UNC13C: variants seen among roughly 807,000 people sequenced by gnomAD.
UNC13C encodes the protein unc-13 homolog C.
UNC13C carries 174 observed loss-of-function variants against 245.4 expected under a neutral mutation model. That is an observed-to-expected ratio of 0.71 (90% CI 0.63 to 0.80). The LOEUF (loss-of-function observed/expected upper bound fraction) is 0.80, where lower values mean the gene tolerates loss of function less well. UNC13C is among the 30% of genes least tolerant of loss of function. The probability of loss-of-function intolerance (pLI) is 0.00; values close to 1 mark genes in which losing one functional copy is unlikely to be tolerated. For synonymous variants in UNC13C, 992 were observed against 895.1 expected (o/e 1.11, Z -1.93); for missense variants, 2,829 against 2,602.9 (o/e 1.09, Z -1.89).
intron 10 of UNC13C, among the ~76,000 whole-genome samples, chr15:54,278,538 T>A (rs566625796): frequency 6.6e-6 from 1 of 152,302 alleles, no homozygotes; most frequent in South Asian, 2.1e-4. Flanking sequence ...ATCCCAGGGC[T>A]TCCTCAACTT....
intron 30 of UNC13C, among the ~76,000 whole-genome samples, chr15:54,619,329 G>T (rs1353433828): frequency 6.6e-6 from 1 of 152,074 alleles, no homozygotes; most frequent in Non-Finnish European, 1.5e-5. Context: ...GTCAGTAATT[G>T]CTTAGATTAA....
intron 2 of UNC13C, among the ~76,000 whole-genome samples, chr15:54,088,042 C>T (rs1899341645): frequency 6.6e-6 from 1 of 151,370 alleles, no homozygotes; most frequent in African/African-American, 2.4e-5. Flanking sequence ...CCTATATAGC[C>T]TACAAATCCT....
intron 25 of UNC13C, 108 bp from the exon 26 acceptor site, chr15:54,532,809 A>G (rs1389663125): frequency 1.4e-6 from 1 of 717,330 alleles, no homozygotes; most frequent in Non-Finnish European, 2.2e-6. Flanking sequence ...ACTCATGAGC[A>G]GGGGAATTCA....
At chr15:54,129,070 T>C (rs182364194) in intron 2 of UNC13C, among the ~76,000 whole-genome samples, 20 of 152,362 alleles carry the variant, frequency 1.3e-4, no homozygotes, top group Admixed American at 1.1e-3. Context: ...ATCTACCGTC[T>C]TCTCTCCAAT....
intron 25 of UNC13C, among the ~76,000 whole-genome samples, chr15:54,530,486 G>A (rs916371937): frequency 6.6e-6 from 1 of 152,172 alleles, no homozygotes; most frequent in African/African-American, 2.4e-5. Flanking sequence ...CTCTCATGGG[G>A]CTTACATTAT....
intron 5 of UNC13C, 75 bp downstream of exon 5, chr15:54,235,183 A>G: frequency 7.9e-7 from 1 of 1,259,996 alleles, no homozygotes; most frequent in Non-Finnish European, 1.2e-6. Context: ...TGTCCTTCTC[A>G]TTCACTGTCT....
chr15:54,005,347 T>C (rs1309799458), intron 1 of UNC13C, among the ~76,000 whole-genome samples: 1 of 152,198 alleles, frequency 6.6e-6, no homozygotes, highest in African/African-American at 2.4e-5. Flanking sequence ...TATAGAATAG[T>C]GTTTATGAGA....
intron 2 of UNC13C, 82 bp from the exon 3 acceptor site, chr15:54,142,934 ACT>A: frequency 8.7e-7 from 1 of 1,147,002 alleles, no homozygotes; most frequent in Non-Finnish European, 1.3e-6. Flanking sequence ...ACATATTAAC[ACT>A]CTGTTCATGT....
At chr15:54,491,086 T>C (rs1434520932) in intron 19 of UNC13C, among the ~76,000 whole-genome samples, 1 of 152,238 alleles carries the variant, frequency 6.6e-6, no homozygotes, top group Admixed American at 6.5e-5. Context: ...TTTATATTTA[T>C]ATTTCCAATG....
At chr15:53,985,149 C>T (rs1403652945) in intron 1 of UNC13C, among the ~76,000 whole-genome samples, 1 of 151,830 alleles carries the variant, frequency 6.6e-6, no homozygotes, top group African/African-American at 2.4e-5. Context: ...TCTCTGTGTC[C>T]ATGTGTTCTC....
In UNC13C at chr15:54,500,210, A is replaced by T. The variant is rs1195716972; in HGVS notation, c.5157+35A>T. The T allele has an allele frequency of 5.4e-6, 8 of 1,476,306 alleles. No homozygotes were observed. In the Admixed American group the frequency reaches 1.4e-4, roughly 27 times the overall value. 91.5% of individuals were successfully genotyped at this position (1,476,306 alleles called of 1,614,324 possible). A position where few individuals can be genotyped will look rare whatever the true frequency, so the allele number is the denominator to read the frequency against. On this transcript the variant is annotated intron_variant, in intron 21 of 32. Coordinates refer to ENST00000260323, the MANE Select transcript of UNC13C (RefSeq NM_001080534.3). The stretch of plus-strand genomic sequence containing the variant: ...AATTACCTTAAGAAAGTTCATTGCC[A>T]TGATTCAGTCACATTGCTTACTTTT...
intron 19 of UNC13C, among the ~76,000 whole-genome samples, chr15:54,446,105 A>T (rs568619013): frequency 6.6e-6 from 1 of 152,022 alleles, no homozygotes; most frequent in Non-Finnish European, 1.5e-5. Flanking sequence ...ATAGTTGTAG[A>T]TGTGTGGTAT....
intron 19 of UNC13C, among the ~76,000 whole-genome samples, chr15:54,446,432 A>C (rs1375934726): frequency 6.6e-6 from 1 of 152,134 alleles, no homozygotes; most frequent in Non-Finnish European, 1.5e-5. Context: ...ATGAGCATGG[A>C]ATGTTCTTCC....
chr15:53,904,433 C>T, the UNC13C span, among the ~76,000 whole-genome samples: 5 of 152,038 alleles, frequency 3.3e-5, no homozygotes, highest in East Asian at 1.9e-4. Flanking sequence ...ATATGCACTG[C>T]GCCCTTGCCC....
At chr15:54,053,949 ATGT>A (rs746627882) in intron 2 of UNC13C, among the ~76,000 whole-genome samples, 1 of 152,268 alleles carries the variant, frequency 6.6e-6, no homozygotes, top group East Asian at 1.9e-4. Flanking sequence ...AGTTCTATTC[ATGT>A]TGTTGCAAAT....
intron 4 of UNC13C, among the ~76,000 whole-genome samples, chr15:54,184,914 T>A (rs202227189): frequency 6.6e-6 from 1 of 152,036 alleles, no homozygotes; most frequent in Non-Finnish European, 1.5e-5. Flanking sequence ...TTTCTCCACA[T>A]CCTCTCCAGC....
chr15:54,109,770 C>A (rs879859474), intron 2 of UNC13C, among the ~76,000 whole-genome samples: 16 of 152,006 alleles, frequency 1.1e-4, no homozygotes, highest in Non-Finnish European at 2.1e-4. Context: ...CATTATGAAA[C>A]TGGATTGTGA....
In UNC13C at chr15:54,061,076, C is replaced by T. The variant is rs560584321; in HGVS notation, c.2983+45190C>T. On this transcript the variant is annotated intron_variant, in intron 2 of 32. Coordinates refer to ENST00000260323, the MANE Select transcript of UNC13C (RefSeq NM_001080534.3). ...GGCACATGTATACATATGTAACAAA[C>T]GTGCACGTTGTGCACATGTACCCTA... Among the ~76,000 whole-genome samples, 13 of 150,446 alleles carry T rather than the reference C, an allele frequency of 8.6e-5. No homozygotes were observed. In the East Asian group the frequency reaches 9.8e-4, roughly 11 times the overall value.
chr15:54,101,597 T>G (rs1177871595), intron 2 of UNC13C, among the ~76,000 whole-genome samples: 1 of 152,170 alleles, frequency 6.6e-6, no homozygotes, highest in African/African-American at 2.4e-5. Context: ...CCTTTTTTTT[T>G]TGACAAGGAA....
Sources: gnomAD v4.1 joint callset for allele counts (sites outside exome capture counted in the v4.1 genomes callset) on GRCh38, gnomAD v4.1.1 for gene constraint, MANE v1.5 for transcripts, NCBI Gene and HGNC (gene_info 2026-07-23, HGNC 2026-07-21) for gene names.